The following WHRN variants were observed in gnomAD, a reference collection of about 807,000 sequenced individuals.
The protein encoded by WHRN is CASK-interacting protein CIP98.
Under a neutral mutation model 68.3 loss-of-function variants are expected in WHRN, and 41 were observed. The ratio of observed to expected loss-of-function variants is 0.60; its 90% confidence interval spans 0.47 to 0.78. The LOEUF (loss-of-function observed/expected upper bound fraction) is 0.78. Ranked by LOEUF, WHRN falls within the 30% of genes least tolerant of loss-of-function variation. WHRN has a pLI of 0.00. For missense variants in WHRN, 1,243 were observed against 1,244.7 expected (o/e 1.00, Z 0.02); for synonymous variants, 560 against 561.3 (o/e 1.00, Z 0.03).
chr9:114,473,678 C>T (rs1054296073), intron 2 of WHRN, among the ~76,000 whole-genome samples: 1 of 152,170 alleles, frequency 6.6e-6, no homozygotes, highest in Non-Finnish European at 1.5e-5. Flanking sequence ...TGGTTCATTG[C>T]CACATTAACA....
At chr9:114,421,262 A>T (rs934654205) in intron 7 of WHRN, among the ~76,000 whole-genome samples, 1 of 152,186 alleles carries the variant, frequency 6.6e-6, no homozygotes, top group Admixed American at 6.5e-5. Flanking sequence ...CTGGCCCCAG[A>T]TGGTGCTTCT....
chr9:114,486,949 G>C (rs1842560829), intron 1 of WHRN, among the ~76,000 whole-genome samples: 1 of 77,282 alleles, frequency 1.3e-5, no homozygotes, highest in Non-Finnish European at 2.2e-5. Flanking sequence ...TGTTGTGTGT[G>C]TGTGTGTGTG....
chr9:114,403,175 A>AG, intron 11 of WHRN, 42 bp downstream of exon 11: 1 of 1,612,536 alleles, frequency 6.2e-7, no homozygotes, highest in Non-Finnish European at 8.5e-7. Context: ...AGGGCCTTTC[A>AG]GGGGTAGGGA....
intron 1 of WHRN, among the ~76,000 whole-genome samples, chr9:114,490,052 T>C (rs1022894188): frequency 1.3e-4 from 20 of 152,224 alleles, no homozygotes; most frequent in Non-Finnish European, 2.9e-5. Flanking sequence ...CCTCAACATC[T>C]GTGTGCTCAT....
At chr9:114,442,536 C>A (rs1049107236) in intron 3 of WHRN, among the ~76,000 whole-genome samples, 1 of 152,172 alleles carries the variant, frequency 6.6e-6, no homozygotes, top group Non-Finnish European at 1.5e-5. Context: ...TCGTCCCCTA[C>A]AAATCTCATG....
intron 1 of WHRN, among the ~76,000 whole-genome samples, chr9:114,489,648 A>G (rs1842822900): frequency 6.6e-6 from 1 of 152,250 alleles, no homozygotes; most frequent in Non-Finnish European, 1.5e-5. Context: ...TGTATTAGTA[A>G]ATAAGCAAAT....
At chr9:114,475,107 T>G (rs560677064) in intron 2 of WHRN, among the ~76,000 whole-genome samples, 20 of 152,118 alleles carry the variant, frequency 1.3e-4, no homozygotes, top group African/African-American at 4.6e-4. Context: ...CCTCCAAAAA[T>G]TAAAAATACA....
chr9:114,434,877 C>T (rs78211581), intron 3 of WHRN, among the ~76,000 whole-genome samples: 25,140 of 152,192 alleles, frequency 0.17, 2,727 homozygotes, highest in Middle Eastern at 0.27. Flanking sequence ...CATTAGCATC[C>T]GAACCAATCT....
At chr9:114,478,879 G>T in intron 1 of WHRN, 108 bp from the exon 2 acceptor site, 1 of 1,034,538 alleles carries the variant, frequency 9.7e-7, no homozygotes, top group Non-Finnish European at 1.4e-6. Flanking sequence ...CCACATGGAA[G>T]AAGAGGCCAG....
At chr9:114,495,206 G>A (rs937477011) in intron 1 of WHRN, among the ~76,000 whole-genome samples, 2 of 152,236 alleles carry the variant, frequency 1.3e-5, no homozygotes, top group African/African-American at 4.8e-5. Context: ...TGCCCTGCAG[G>A]CTCCCAGCTC....
At chr9:114,423,238 G>C in intron 7 of WHRN, 76 bp downstream of exon 7, 1 of 1,481,116 alleles carries the variant, frequency 6.8e-7, no homozygotes, top group African/African-American at 1.4e-5. Context: ...TTCGAACTCA[G>C]GCTGGTCTCA....
At chr9:114,415,546 G>A (rs1224108042) in intron 7 of WHRN, among the ~76,000 whole-genome samples, 2 of 152,120 alleles carry the variant, frequency 1.3e-5, no homozygotes, top group Admixed American at 6.5e-5. Flanking sequence ...TCAGATCTTA[G>A]CTTCAACCTC....
chr9:114,481,993 T>C (rs144206147), intron 1 of WHRN, among the ~76,000 whole-genome samples: 237 of 152,194 alleles, frequency 1.6e-3, no homozygotes, highest in African/African-American at 5.6e-3. Context: ...CAAGGCATCG[T>C]GTGGCACACA....
At chr9:114,426,465 A>G in intron 3 of WHRN, 52 bp from the exon 4 acceptor site, 1 of 1,602,420 alleles carries the variant, frequency 6.2e-7, no homozygotes, top group Non-Finnish European at 8.5e-7. Flanking sequence ...CAGGATTCAC[A>G]CTAGGGACTT....
chr9:114,473,123 T>C (rs915824475), intron 2 of WHRN, among the ~76,000 whole-genome samples: 1 of 152,100 alleles, frequency 6.6e-6, no homozygotes. Flanking sequence ...TGCAGCAGGG[T>C]CTAACTGCTC....
rs751098446 is a variant in WHRN at position 114,404,014 on chromosome 9, T to A, written c.2300A>T (p.Asp767Val). The change falls in exon 10 of 12, where the codon GAT (aspartate) becomes GTT (valine). Residue 767 changes from aspartate to valine, a missense_variant. By Grantham distance (152) the Asp-to-Val change is radical (BLOSUM62 -3). Coordinates refer to ENST00000362057, the MANE Select transcript of WHRN (RefSeq NM_015404.4). The part of the protein sequence containing the change: ...GQTLSEDSGV[D>V]AGEAEASAPG... Reference sequence around the variant, plus strand: ...GGCGCTGGCCTCTGCCTCGCCAGCATCCACACCACTGTCCTCGCTTAGAGT... The same window carrying A: ...GGCGCTGGCCTCTGCCTCGCCAGCAACCACACCACTGTCCTCGCTTAGAGT... 1 of 1,613,356 alleles carries A rather than the reference T, an allele frequency of 6.2e-7. No homozygotes were observed. The highest frequency in any genetic ancestry group is 1.1e-5 in the South Asian group (1 of 91,072).
intron 7 of WHRN, among the ~76,000 whole-genome samples, chr9:114,418,269 A>G (rs1039078765): frequency 6.6e-6 from 1 of 152,122 alleles, no homozygotes; most frequent in African/African-American, 2.4e-5. Flanking sequence ...AGGGCCTCCA[A>G]TCTGAGACCT....
chr9:114,470,696 C>T (rs545371918), intron 2 of WHRN, among the ~76,000 whole-genome samples: 24 of 152,290 alleles, frequency 1.6e-4, no homozygotes, highest in South Asian at 8.3e-4. Flanking sequence ...ATTCCTGCCA[C>T]GCCTGGCAGA....
chr9:114,416,780 C>T (rs1835848195), intron 7 of WHRN, among the ~76,000 whole-genome samples: 1 of 152,198 alleles, frequency 6.6e-6, no homozygotes. Context: ...TGGGCTCCTC[C>T]ACACTCCACA....
Sources: gnomAD v4.1 joint callset for allele counts (sites outside exome capture counted in the v4.1 genomes callset) on GRCh38, gnomAD v4.1.1 for gene constraint, MANE v1.5 for transcripts, NCBI Gene and HGNC (gene_info 2026-07-23, HGNC 2026-07-21) for gene names.